The following KCNAB1 variants were observed in gnomAD, a reference collection of about 807,000 sequenced individuals.
KCNAB1 encodes the protein potassium voltage-gated channel subfamily A regulatory beta subunit 1.
A neutral mutation model predicts 64.6 loss-of-function variants in KCNAB1; 35 were observed. That is an observed-to-expected ratio of 0.54 (90% CI 0.41 to 0.72). The LOEUF is 0.72. Among genes scored for constraint, KCNAB1 ranks in the 30% least tolerant of loss-of-function variants. KCNAB1 has a pLI of 0.00. For missense variants in KCNAB1, 401 were observed against 512.9 expected, an observed-to-expected ratio of 0.78 and a Z score of 2.11; for synonymous variants, 177 against 183.8, an observed-to-expected ratio of 0.96 and a Z score of 0.30.
chr3:156,359,504 T>A (rs530687937), intron 1 of KCNAB1, among the ~76,000 whole-genome samples: 5 of 152,356 alleles, frequency 3.3e-5, no homozygotes, highest in African/African-American at 9.6e-5. Context: ...CAGTTTATCA[T>A]CTCAGATCGG....
rs1003814564 is a variant in KCNAB1 at position 156,165,016 on chromosome 3, C to T, written c.275+44130C>T. 2.0e-5 allele frequency among the ~76,000 whole-genome samples: 3 copies of T among 152,074 alleles called. No homozygotes were observed. The East Asian group carries it at 5.8e-4, about 29-fold the overall frequency. ...AAATAGGCCGGGCGCGGTGGCTCAACGCCTGTAATCCCAGCACTTTGGGAG... is the reference window on the plus strand; with the variant it reads ...AAATAGGCCGGGCGCGGTGGCTCAATGCCTGTAATCCCAGCACTTTGGGAG... On this transcript the variant is annotated intron_variant, in intron 1 of 13. Coordinates refer to ENST00000490337, the MANE Select transcript of KCNAB1 (RefSeq NM_172160.3).
chr3:156,492,616 A>G (rs545412546), intron 8 of KCNAB1, among the ~76,000 whole-genome samples: 2 of 152,242 alleles, frequency 1.3e-5, no homozygotes, highest in South Asian at 4.1e-4. Context: ...AGGAGTCACA[A>G]GCAACACCCA....
At chr3:156,526,992 A>G (rs1718354574) in intron 12 of KCNAB1, among the ~76,000 whole-genome samples, 1 of 152,226 alleles carries the variant, frequency 6.6e-6, no homozygotes, top group Admixed American at 6.5e-5. Context: ...ATTTGTTGGT[A>G]GCTTGACTCT....
intron 1 of KCNAB1, among the ~76,000 whole-genome samples, chr3:156,157,230 T>G (rs1335208099): frequency 1.3e-5 from 2 of 152,182 alleles, no homozygotes; most frequent in Admixed American, 1.3e-4. Context: ...GACCCATATA[T>G]GCATGTAGGA....
At chr3:156,236,390 T>G (rs1716852364) in intron 1 of KCNAB1, among the ~76,000 whole-genome samples, 1 of 152,158 alleles carries the variant, frequency 6.6e-6, no homozygotes, top group South Asian at 2.1e-4. Context: ...GAACATGGAT[T>G]CTGAAGCTCA....
chr3:156,321,710 A>C (rs1243872851), intron 1 of KCNAB1, among the ~76,000 whole-genome samples: 1 of 152,178 alleles, frequency 6.6e-6, no homozygotes, highest in Non-Finnish European at 1.5e-5. Flanking sequence ...CTTGCAAATA[A>C]ACTTTTGGGT....
intron 2 of KCNAB1, among the ~76,000 whole-genome samples, chr3:156,438,779 G>A (rs1158054884): frequency 6.6e-6 from 1 of 152,162 alleles, no homozygotes; most frequent in Non-Finnish European, 1.5e-5. Flanking sequence ...ACTTTGGGAG[G>A]ACGAGGTGGG....
At chr3:156,312,702 C>CAAAA (rs1265516268) in intron 1 of KCNAB1, among the ~76,000 whole-genome samples, 2 of 20,028 alleles carry the variant, frequency 1.0e-4, no homozygotes, top group South Asian at 1.8e-3. Context: ...GAGACTGTCT[C>CAAAA]CAAAAAAAAA....
At chr3:156,204,723 C>T (rs894740433) in intron 1 of KCNAB1, among the ~76,000 whole-genome samples, 1 of 152,126 alleles carries the variant, frequency 6.6e-6, no homozygotes, top group Non-Finnish European at 1.5e-5. Flanking sequence ...GTCCCAGCTA[C>T]TCAGGAGGCT....
chr3:156,177,160 A>G (rs547756205), intron 1 of KCNAB1, among the ~76,000 whole-genome samples: 31 of 152,252 alleles, frequency 2.0e-4, no homozygotes, highest in African/African-American at 7.2e-4. Flanking sequence ...GAATAGTACG[A>G]AATCCGTTAA....
intron 1 of KCNAB1, among the ~76,000 whole-genome samples, chr3:156,248,576 A>G (rs1397926791): frequency 6.7e-6 from 1 of 149,698 alleles, no homozygotes; most frequent in Non-Finnish European, 1.5e-5. Context: ...AATGAATGCC[A>G]TTAGTTAAGA....
chr3:156,452,441 CT>C lies in KCNAB1; in HGVS notation c.320-454del, dbSNP rs1712076817. ...ACTGGAAAGACCTCTAAGAGGGTTT[CT>C]TTTGAAAAGTAATAATGAATAAAAA... On this transcript the variant is annotated intron_variant, in intron 2 of 13. Transcript: ENST00000490337. This position sits in a 1 kb window ranked among gnomAD's most constrained non-coding sequence, Gnocchi z 4.6. 6.6e-6 allele frequency among the ~76,000 whole-genome samples: 1 copy of C among 152,178 alleles called. No individual in the cohort carries two copies. Among genetic ancestry groups the C allele is most frequent in the Non-Finnish European group, 1.5e-5 (1 of 68,012 alleles).
At position 156,438,710 on chromosome 3, in the gene KCNAB1, T is replaced by C. The variant is rs569179587; in HGVS notation, c.320-14189T>C. Among the ~76,000 whole-genome samples, 16 of 152,312 alleles carry C rather than the reference T, an allele frequency of 1.1e-4. No homozygotes were observed. The South Asian group carries it at 2.5e-3, about 24-fold the overall frequency. ...CTATTCTAGACACTGACATATACTA[T>C]TGAAATCATTGACAGTGTAGGCTGA... On this transcript the variant is annotated intron_variant, in intron 2 of 13. Coordinates refer to ENST00000490337, the MANE Select transcript of KCNAB1 (RefSeq NM_172160.3).
chr3:156,132,362 A>G (rs878956062), intron 1 of KCNAB1, among the ~76,000 whole-genome samples: 1 of 152,220 alleles, frequency 6.6e-6, no homozygotes, highest in South Asian at 2.1e-4. Flanking sequence ...TGGCAGTGGA[A>G]CACTGATAAA....
At chr3:156,444,426 A>G (rs1717254058) in intron 2 of KCNAB1, among the ~76,000 whole-genome samples, 1 of 152,170 alleles carries the variant, frequency 6.6e-6, no homozygotes, top group Admixed American at 6.5e-5. Flanking sequence ...TTGAGCTATG[A>G]TGGAGGCTGG....
intron 1 of KCNAB1, among the ~76,000 whole-genome samples, chr3:156,124,100 C>T (rs1175519714): frequency 6.6e-6 from 1 of 151,738 alleles, no homozygotes; most frequent in African/African-American, 2.4e-5. Flanking sequence ...ATTGCTTAGC[C>T]ATTCTTCTTT....
chr3:156,495,407 C>T (rs1016222197), intron 8 of KCNAB1, among the ~76,000 whole-genome samples: 5 of 152,136 alleles, frequency 3.3e-5, no homozygotes, highest in African/African-American at 7.2e-5. Flanking sequence ...ATAAATCATT[C>T]TATTATAAAG....
At chr3:156,340,997 A>G (rs529227102) in intron 1 of KCNAB1, among the ~76,000 whole-genome samples, 3 of 152,372 alleles carry the variant, frequency 2.0e-5, no homozygotes, top group South Asian at 4.1e-4. Flanking sequence ...TCGAATGACT[A>G]TCAAAGAAAA....
chr3:156,308,681 G>C (rs1206590206), intron 1 of KCNAB1, among the ~76,000 whole-genome samples: 1 of 152,224 alleles, frequency 6.6e-6, no homozygotes, highest in Non-Finnish European at 1.5e-5. Context: ...CTTTTCATCA[G>C]TGAAATGAAG....
Sources: gnomAD v4.1 joint callset for allele counts (sites outside exome capture counted in the v4.1 genomes callset) on GRCh38, gnomAD v4.1.1 for gene constraint, Gnocchi (gnomAD v3.1) non-coding constraint, MANE v1.5 for transcripts, NCBI Gene and HGNC (gene_info 2026-07-23, HGNC 2026-07-21) for gene names.